The following SLC35F3 variants were observed in gnomAD, a reference collection of about 807,000 sequenced individuals.
The protein encoded by SLC35F3 is putative thiamine transporter SLC35F3.
SLC35F3 carries 25 observed loss-of-function variants against 49.9 expected under a neutral mutation model. The observed-to-expected ratio is 0.50, with a 90% confidence interval of 0.37 to 0.70. SLC35F3 has a LOEUF of 0.70. Among genes scored for constraint, SLC35F3 ranks in the 30% least tolerant of loss-of-function variants. The pLI is 0.00. For synonymous variants in SLC35F3, 275 were observed against 265.4 expected, an observed-to-expected ratio of 1.04 and a Z score of -0.35; for missense variants, 525 against 639.8, an observed-to-expected ratio of 0.82 and a Z score of 1.94.
chr1:234,145,650 G>A (rs187530595), intron 2 of SLC35F3, among the ~76,000 whole-genome samples: 10 of 152,186 alleles, frequency 6.6e-5, no homozygotes, highest in African/African-American at 2.4e-4. Context: ...AAACAATACA[G>A]TACAACATTT....
At chr1:234,128,235 G>A (rs1665678153) in intron 2 of SLC35F3, among the ~76,000 whole-genome samples, 1 of 144,594 alleles carries the variant, frequency 6.9e-6, no homozygotes, top group Non-Finnish European at 1.6e-5. Flanking sequence ...AGTGTGTCTG[G>A]GGCATGTTTT....
At chr1:234,073,863 G>A (rs1285274135) in intron 2 of SLC35F3, among the ~76,000 whole-genome samples, 1 of 152,022 alleles carries the variant, frequency 6.6e-6, no homozygotes, top group Admixed American at 6.6e-5. Context: ...ATTATTAAAT[G>A]TGGTAAAATA....
intron 3 of SLC35F3, among the ~76,000 whole-genome samples, chr1:234,240,362 T>C (rs1016335742): frequency 6.6e-6 from 1 of 151,906 alleles, no homozygotes; most frequent in African/African-American, 2.4e-5. Context: ...CCCAGCATTT[T>C]GGGAGGCTGA....
At chr1:234,253,358 AC>A (rs1667767619) in intron 3 of SLC35F3, among the ~76,000 whole-genome samples, 1 of 151,890 alleles carries the variant, frequency 6.6e-6, no homozygotes, top group Non-Finnish European at 1.5e-5. Context: ...TAAAAAAAAA[AC>A]AGAATGCTGT....
chr1:233,938,170 A>T (rs1203787722), intron 2 of SLC35F3, among the ~76,000 whole-genome samples: 1 of 152,170 alleles, frequency 6.6e-6, no homozygotes, highest in Admixed American at 6.5e-5. Context: ...CAATAGGAGA[A>T]TAGATGGCCA....
intron 2 of SLC35F3, among the ~76,000 whole-genome samples, chr1:234,183,663 G>C (rs1381900772): frequency 2.8e-5 from 4 of 142,808 alleles, no homozygotes; most frequent in Admixed American, 7.8e-5. Flanking sequence ...TGTCATCAAT[G>C]CCTGTATGCA....
chr1:234,275,638 A>G (rs1448319680), intron 3 of SLC35F3, among the ~76,000 whole-genome samples: 2 of 151,980 alleles, frequency 1.3e-5, no homozygotes, highest in Non-Finnish European at 2.9e-5. Context: ...CACACAACAC[A>G]TATCCTGAAA....
intron 2 of SLC35F3, among the ~76,000 whole-genome samples, chr1:234,077,288 G>A (rs921242906): frequency 6.6e-6 from 1 of 152,276 alleles, no homozygotes; most frequent in Admixed American, 6.5e-5. Flanking sequence ...ACAGGCGTGA[G>A]CCACCGCGCC....
chr1:233,906,938 T>TA (rs1168135060), intron 2 of SLC35F3, among the ~76,000 whole-genome samples: 2 of 152,278 alleles, frequency 1.3e-5, no homozygotes, highest in East Asian at 3.9e-4. Flanking sequence ...TATAAGCCTT[T>TA]AAAAAAATTG....
At chr1:234,189,813 A>G (rs1433388509) in intron 2 of SLC35F3, among the ~76,000 whole-genome samples, 1 of 152,210 alleles carries the variant, frequency 6.6e-6, no homozygotes, top group Non-Finnish European at 1.5e-5. Flanking sequence ...TAAGAGCTGT[A>G]AGGCAAAAGC....
chr1:233,951,695 A>C (rs566252896), intron 2 of SLC35F3, among the ~76,000 whole-genome samples: 3 of 151,908 alleles, frequency 2.0e-5, no homozygotes, highest in South Asian at 4.2e-4. Flanking sequence ...ACCTTTCCAC[A>C]TGTAGATGAT....
chr1:234,073,602 G>A (rs543453135), intron 2 of SLC35F3, among the ~76,000 whole-genome samples: 21 of 152,218 alleles, frequency 1.4e-4, no homozygotes, highest in South Asian at 4.2e-4. Context: ...CCTACCTCCC[G>A]GTTCCTTCAA....
intron 2 of SLC35F3, among the ~76,000 whole-genome samples, chr1:234,209,320 A>G (rs1202797246): frequency 6.6e-6 from 1 of 152,172 alleles, no homozygotes; most frequent in African/African-American, 2.4e-5. Flanking sequence ...TTTTGTAAGT[A>G]TCCTAGAATA....
At chr1:234,235,899 C>T (rs1157887158) in intron 3 of SLC35F3, among the ~76,000 whole-genome samples, 1 of 152,164 alleles carries the variant, frequency 6.6e-6, no homozygotes, top group Non-Finnish European at 1.5e-5. Flanking sequence ...GCAGCTGTAA[C>T]ATTTATCGGC....
At chr1:234,102,835 T>C (rs1015129715) in intron 2 of SLC35F3, among the ~76,000 whole-genome samples, 1 of 152,180 alleles carries the variant, frequency 6.6e-6, no homozygotes, top group African/African-American at 2.4e-5. Flanking sequence ...AAAAAGCACT[T>C]GGCAGGAAAC....
intron 3 of SLC35F3, among the ~76,000 whole-genome samples, chr1:234,299,839 T>G (rs1170066982): frequency 1.5e-5 from 2 of 134,632 alleles, no homozygotes; most frequent in African/African-American, 2.8e-5. Flanking sequence ...AGAAAAAAAA[T>G]TGTTAAGATT....
chr1:234,309,960 T>G lies in SLC35F3; in HGVS notation c.828+640T>G, dbSNP rs571490371. 2.2e-4 allele frequency among the ~76,000 whole-genome samples: 34 copies of G among 152,296 alleles called. No individual in the cohort carries two copies. In the South Asian group the frequency reaches 5.4e-3, roughly 24 times the overall value. ...TACAACCGAGACCCAGTCAATTACA[T>G]TAGAAGCTAGTCAAAGTTAGCTCGT... On this transcript the variant is annotated intron_variant, in intron 4 of 7. Transcript: ENST00000366618.
chr1:234,016,622 C>G (rs1292875688), intron 2 of SLC35F3, among the ~76,000 whole-genome samples: 1 of 152,104 alleles, frequency 6.6e-6, no homozygotes, highest in African/African-American at 2.4e-5. Context: ...TGATGGTTAC[C>G]AGAGGCTGGA....
At position 234,323,326 on chromosome 1, in the gene SLC35F3, C is replaced by A; in HGVS notation, c.*83C>A. On this transcript the variant is annotated 3_prime_UTR_variant, in exon 8 of 8. Coordinates refer to ENST00000366618, the MANE Select transcript of SLC35F3 (RefSeq NM_173508.4). This position sits in a 1 kb window ranked among gnomAD's most constrained non-coding sequence, Gnocchi z 4.5. ...ACCTCAGTTGGGTAAGGTGTACATACCTGTACAGTTTTGGTCATCTGCGGT... is the reference window on the plus strand; with the variant it reads ...ACCTCAGTTGGGTAAGGTGTACATAACTGTACAGTTTTGGTCATCTGCGGT... The A allele has an allele frequency of 1.6e-6, 2 of 1,219,214 alleles. No homozygotes were observed. Among genetic ancestry groups the A allele is most frequent in the Non-Finnish European group, 2.3e-6 (2 of 861,218 alleles). The allele number at this position is 1,219,214 out of a possible 1,614,324, so 75.5% of individuals were successfully genotyped here. A position where few individuals can be genotyped will look rare whatever the true frequency, so the allele number is the denominator to read the frequency against.
Sources: gnomAD v4.1 joint callset for allele counts (sites outside exome capture counted in the v4.1 genomes callset) on GRCh38, gnomAD v4.1.1 for gene constraint, Gnocchi (gnomAD v3.1) non-coding constraint, MANE v1.5 for transcripts, NCBI Gene and HGNC (gene_info 2026-07-23, HGNC 2026-07-21) for gene names.